Variants in IMPA1 observed in about 807,000 individuals in gnomAD.
IMPA1 encodes the protein inositol monophosphatase 1.
Under a neutral mutation model 34.9 loss-of-function variants are expected in IMPA1, and 21 were observed. The ratio of observed to expected loss-of-function variants is 0.60; its 90% CI spans 0.43 to 0.87. The LOEUF (loss-of-function observed/expected upper bound fraction) is 0.87. Among genes scored for constraint, IMPA1 ranks in the 40% least tolerant of loss-of-function variants. The probability of loss-of-function intolerance (pLI) is 0.00; values close to 1 mark genes in which losing one functional copy is unlikely to be tolerated. For synonymous variants in IMPA1, 95 were observed against 104.4 expected (o/e 0.91, Z 0.55); for missense variants, 299 against 336.4 (o/e 0.89, Z 0.87).
rs1806601602 is a variant in IMPA1, at chr8:81,659,441, T to C, written c.744A>G (p.Arg248=). The C allele has an allele frequency of 6.2e-7, 1 of 1,608,158 alleles. No individual in the cohort carries two copies. The highest frequency in any genetic ancestry group is 1.7e-5 in the Admixed American group (1 of 59,942). The change falls in exon 9 of 9, where the codon CGA becomes CGG. Residue 248 remains arginine, a synonymous_variant. Transcript: ENST00000256108. The part of the protein sequence containing the change: ...VTGGPFDLMS[R]RVIAANNRIL... ...TTCTATTATTTGCAGCAATTACTCT[T>C]CGTGACATCAAATCAAATGGTCCAC...
In IMPA1 at chr8:81,657,234, T is replaced by C. The variant is rs1393876115; in HGVS notation, c.*2117A>G. Among the ~76,000 whole-genome samples, 3 of 152,002 alleles carry C rather than the reference T, an allele frequency of 2.0e-5. No individual in the cohort carries two copies. The highest frequency in any genetic ancestry group is 1.3e-4 in the Admixed American group (2 of 15,236). On this transcript the variant is annotated 3_prime_UTR_variant, in exon 9 of 9. Coordinates refer to ENST00000256108, the MANE Select transcript of IMPA1 (RefSeq NM_005536.4). ...AGTTGGAAAGATTACAGGCAAAAAA[T>C]AAGAACATATATTAAATTACATTTG... is the stretch of plus-strand genomic sequence containing the variant.
At chr8:81,680,374 C>T (rs528265156) in intron 3 of IMPA1, among the ~76,000 whole-genome samples, 4 of 152,312 alleles carry the variant, frequency 2.6e-5, no homozygotes, top group Admixed American at 2.6e-4. Context: ...GCTTCCATGT[C>T]GTGAGCTACT....
intron 4 of IMPA1, chr8:81,678,722 T>TGCCG: frequency 5.8e-6 from 1 of 172,312 alleles, no homozygotes; most frequent in Non-Finnish European, 1.3e-5. Context: ...TTTACATAGT[T>TGCCG]ACTACTAATA....
intron 7 of IMPA1, among the ~76,000 whole-genome samples, chr8:81,665,843 A>G (rs1446062337): frequency 6.6e-6 from 1 of 152,232 alleles, no homozygotes; most frequent in Non-Finnish European, 1.5e-5. Context: ...CATTAAGGAT[A>G]CTATATCCAG....
At chr8:81,661,176 G>C (rs1050211990) in intron 7 of IMPA1, among the ~76,000 whole-genome samples, 1 of 152,144 alleles carries the variant, frequency 6.6e-6, no homozygotes, top group African/African-American at 2.4e-5. Context: ...CTGCAGGTTT[G>C]CCCTCTCATA....
chr8:81,659,417 T>C lies in IMPA1; in HGVS notation c.768A>G (p.Arg256=). The C allele has an allele frequency of 6.2e-7, 1 of 1,612,498 alleles. No homozygotes were observed. Among genetic ancestry groups the C allele is most frequent in the East Asian group, 2.2e-5 (1 of 44,838 alleles). The part of the protein sequence containing the change: ...MSRRVIAANN[R]ILAERIAKEI... ...CTTTAGCTATCCTTTCTGCTAATAT[T>C]CTATTATTTGCAGCAATTACTCTTC... The change falls in exon 9 of 9, where the codon AGA becomes AGG. Residue 256 remains arginine, a synonymous_variant. Coordinates refer to ENST00000256108, the MANE Select transcript of IMPA1 (RefSeq NM_005536.4).
intron 3 of IMPA1, 141 bp from the exon 4 acceptor site, chr8:81,679,371 TG>T: frequency 1.6e-6 from 1 of 623,542 alleles, no homozygotes; most frequent in Admixed American, 2.4e-5. Context: ...CCCAGCACTT[TG>T]GGAGGCCAGG....
chr8:81,666,864 T>C (rs1806840465), intron 7 of IMPA1, among the ~76,000 whole-genome samples: 1 of 98,802 alleles, frequency 1.0e-5, no homozygotes. Context: ...AGGGAGACTC[T>C]GTCTCAAAAA....
chr8:81,671,679 C>T lies in IMPA1; in HGVS notation c.458-632G>A, dbSNP rs182189652. ...TTGGGAGGCGGAGGCAGGCAGATCA[C>T]GAGGTCAGGAGTTCGAGACCAGCCT... On this transcript the variant is annotated intron_variant, in intron 6 of 8. Coordinates refer to ENST00000256108, the MANE Select transcript of IMPA1 (RefSeq NM_005536.4). Among the ~76,000 whole-genome samples, 9 of 152,162 alleles carry T rather than the reference C, an allele frequency of 5.9e-5. No homozygotes were observed. In the East Asian group the frequency reaches 9.7e-4, roughly 16 times the overall value.
rs190781825 is a variant in IMPA1, at chr8:81,671,999, C to T, written c.458-952G>A. 5.0e-3 allele frequency among the ~76,000 whole-genome samples: 761 copies of T among 152,260 alleles called. 2 individuals carry two copies. The highest frequency in any genetic ancestry group is 0.025 in the South Asian group (123 of 4,828). Reference sequence around the variant, plus strand: ...TTCTATCAAAGCTACCATATTCCTTCGGTCCAAGATTTGTATTTTCTCACA... The same window carrying T: ...TTCTATCAAAGCTACCATATTCCTTTGGTCCAAGATTTGTATTTTCTCACA... On this transcript the variant is annotated intron_variant, in intron 6 of 8. Transcript: ENST00000256108.
intron 5 of IMPA1, 45 bp downstream of exon 5, chr8:81,676,189 A>G (rs747009640): frequency 1.2e-6 from 1 of 851,602 alleles, no homozygotes; most frequent in African/African-American, 1.7e-5. Context: ...TTCTCAGAAA[A>G]TGAGAGCAAG....
At chr8:81,676,357 TAA>T (rs751741361) in intron 4 of IMPA1, 78 bp from the exon 5 acceptor site, 21 of 665,634 alleles carry the variant, frequency 3.2e-5, no homozygotes, top group Admixed American at 7.7e-5. Context: ...TTTCATAATA[TAA>T]GTGTTCTTAA....
chr8:81,686,218 C>A, intron 1 of IMPA1, 34 bp downstream of exon 1: 1 of 1,027,744 alleles, frequency 9.7e-7, no homozygotes, highest in East Asian at 7.4e-5. Context: ...CCCGCTGAAC[C>A]CGGAGGGTGC....
chr8:81,680,677 G>A lies in IMPA1; in HGVS notation c.170C>T (p.Ser57Phe). ...GTGAGATGGATACTTTTCCTTTATGGAAGAGATAAGCATTTTTTCAACTTT... is the reference window on the plus strand; with the variant it reads ...GTGAGATGGATACTTTTCCTTTATGAAAGAGATAAGCATTTTTTCAACTTT... ...DQKVEKMLISSIKEKYPSHSF... is the reference protein window; with the variant it reads ...DQKVEKMLISFIKEKYPSHSF... The change falls in exon 3 of 9, where the codon TCC becomes TTC. Residue 57 changes from serine to phenylalanine, a missense_variant. Physicochemically the swap from Ser to Phe is radical, Grantham distance 155. Coordinates refer to ENST00000256108, the MANE Select transcript of IMPA1 (RefSeq NM_005536.4). 1.2e-6 allele frequency: 2 copies of A among 1,611,946 alleles called. No homozygotes were observed. The highest frequency in any genetic ancestry group is 1.7e-6 in the Non-Finnish European group (2 of 1,178,670).
intron 7 of IMPA1, among the ~76,000 whole-genome samples, chr8:81,669,964 T>C (rs921466949): frequency 2.0e-5 from 3 of 152,192 alleles, no homozygotes; most frequent in Admixed American, 2.0e-4. Context: ...TGAGCTAGCA[T>C]GCTCAGCCCC....
chr8:81,679,340 G>T, intron 3 of IMPA1, 110 bp from the exon 4 acceptor site: 1 of 763,522 alleles, frequency 1.3e-6, no homozygotes, highest in Non-Finnish European at 2.3e-6. Context: ...CAGGCGAGGT[G>T]TGGAGGTTCA....
chr8:81,666,504 G>T (rs1585891445), intron 7 of IMPA1, among the ~76,000 whole-genome samples: 1 of 152,160 alleles, frequency 6.6e-6, no homozygotes, highest in African/African-American at 2.4e-5. Flanking sequence ...TATATGACAG[G>T]CACACTTCAA....
intron 3 of IMPA1, among the ~76,000 whole-genome samples, chr8:81,680,009 C>A (rs1372244593): frequency 1.3e-5 from 2 of 151,756 alleles, no homozygotes; most frequent in Non-Finnish European, 2.9e-5. Context: ...GTGGCATGCA[C>A]CTGTAATCCC....
rs555384399 is a variant in IMPA1 at position 81,678,009 on chromosome 8, C to G, written c.302+1117G>C. Among the ~76,000 whole-genome samples the G allele has an allele frequency of 2.6e-5, 4 of 152,278 alleles. No individual in the cohort carries two copies. The South Asian group carries it at 8.3e-4, about 32-fold the overall frequency. ...TAAGTTCTTACATTAATGTACTACT[C>G]ATAGAGTTGAGTTACAATTCTACGA... On this transcript the variant is annotated intron_variant, in intron 4 of 8. Coordinates refer to ENST00000256108, the MANE Select transcript of IMPA1 (RefSeq NM_005536.4).
Sources: allele counts gnomAD v4.1 joint callset (sites outside exome capture counted in the v4.1 genomes callset), GRCh38; gene constraint gnomAD v4.1.1; transcripts MANE v1.5; gene names NCBI Gene and HGNC (gene_info 2026-07-23, HGNC 2026-07-21).